The following ATG2B variants were observed in gnomAD, a reference collection of about 807,000 sequenced individuals.
The protein encoded by ATG2B is autophagy related 2B.
In ATG2B, 121 loss-of-function variants were observed where a neutral mutation model predicts 241.3. The ratio of observed to expected loss-of-function variants is 0.50; its 90% confidence interval spans 0.43 to 0.58. The LOEUF is 0.58. ATG2B is among the 20% of genes least tolerant of loss of function. The pLI is 0.00. For missense variants in ATG2B, 2,306 were observed against 2,491.6 expected (o/e 0.93, Z 1.59); for synonymous variants, 858 against 876.6 (o/e 0.98, Z 0.37).
chr14:96,345,173 T>C (rs778533475), intron 3 of ATG2B, 60 bp downstream of exon 3: 11 of 1,371,062 alleles, frequency 8.0e-6, no homozygotes, highest in South Asian at 6.8e-5. Flanking sequence ...GCTTATTACA[T>C]GAAGGTACAA....
chr14:96,339,654 T>C (rs1387209343), intron 6 of ATG2B, among the ~76,000 whole-genome samples: 2 of 151,976 alleles, frequency 1.3e-5, no homozygotes, highest in Non-Finnish European at 2.9e-5. Context: ...TTCTCACTTA[T>C]AAGTGGGAGC....
At position 96,315,547 on chromosome 14, in the gene ATG2B, C is replaced by T. The variant is rs373581781; in HGVS notation, c.3398G>A (p.Arg1133Gln). Residue 1133 changes from arginine (R) to glutamine (Q), a missense_variant, in exon 22 of 42, where the codon CGA becomes CAA. This residue lies in a region of ATG2B where 1,927 missense variants were observed against 2,011.2 expected (regional missense o/e 0.96). Coordinates refer to ENST00000359933, the MANE Select transcript of ATG2B (RefSeq NM_018036.7). ...VNGVILPTET[R>Q]LPSSTRPHWL... ...GTGTGGGCGGGTTGAGCTGGGAAGT[C>T]GTGTTTCTGTCGGGAGAATCACTCC... 1.5e-5 allele frequency: 25 copies of T among 1,613,880 alleles called. No individual in the cohort carries two copies. The highest frequency in any genetic ancestry group is 1.9e-5 in the Non-Finnish European group (23 of 1,179,924).
chr14:96,310,608 G>T (rs983387580), intron 28 of ATG2B, among the ~76,000 whole-genome samples: 1 of 152,036 alleles, frequency 6.6e-6, no homozygotes, highest in South Asian at 2.1e-4. Flanking sequence ...AAATTCTCTG[G>T]GTCTTATTAA....
rs976260757 is a variant in ATG2B, at chr14:96,280,917, C to T, written c.*4838G>A. The stretch of plus-strand genomic sequence containing the variant: ...ATAAATAAAATAAAAATAAGTATGT[C>T]TTTTAAATATTCCCTTCATAAGTAA... On this transcript the variant is annotated 3_prime_UTR_variant, in exon 42 of 42. Transcript: ENST00000359933. 1 of 152,160 alleles carries T rather than the reference C, an allele frequency of 6.6e-6. No individual in the cohort carries two copies. Among genetic ancestry groups the T allele is most frequent in the African/African-American group, 2.4e-5 (1 of 41,426 alleles). 9.4% of individuals were successfully genotyped at this position (152,160 alleles called of 1,614,324 possible). A position where few individuals can be genotyped will look rare whatever the true frequency, so the allele number is the denominator to read the frequency against.
chr14:96,310,666 T>A (rs1887125543), intron 28 of ATG2B, among the ~76,000 whole-genome samples: 1 of 151,980 alleles, frequency 6.6e-6, no homozygotes, highest in South Asian at 2.1e-4. Flanking sequence ...GAAAAGGAAG[T>A]CATATATGAC....
intron 31 of ATG2B, among the ~76,000 whole-genome samples, chr14:96,305,361 TGA>T (rs1160073005): frequency 6.6e-6 from 1 of 152,224 alleles, no homozygotes; most frequent in Non-Finnish European, 1.5e-5. Flanking sequence ...ATGAAAATGA[TGA>T]GAGTCAACAT....
At chr14:96,305,915 T>C in intron 30 of ATG2B, 100 bp from the exon 31 acceptor site, 1 of 857,910 alleles carries the variant, frequency 1.2e-6, no homozygotes, top group Non-Finnish European at 1.8e-6. Context: ...ACATTCTTTT[T>C]AATAATTCCA....
At chr14:96,331,330 A>C in intron 11 of ATG2B, 46 bp downstream of exon 11, 1 of 1,536,468 alleles carries the variant, frequency 6.5e-7, no homozygotes, top group Non-Finnish European at 8.8e-7. Flanking sequence ...GATCATTAGC[A>C]TATGTGGAAG....
At chr14:96,340,812 C>T (rs573671957) in intron 6 of ATG2B, among the ~76,000 whole-genome samples, 6 of 150,858 alleles carry the variant, frequency 4.0e-5, no homozygotes, top group East Asian at 3.9e-4. Flanking sequence ...CAGCTACTTG[C>T]GAGGCTGAGG....
rs140596845 is a variant in ATG2B, at chr14:96,339,418, A to G, written c.924+2104T>C. Among the ~76,000 whole-genome samples, 670 of 151,880 alleles carry G rather than the reference A, an allele frequency of 4.4e-3. 26 individuals carry two copies. The South Asian group carries it at 0.067, about 15-fold the overall frequency. ...GTGTATATATGTATGTGGTGCGTGT[A>G]TATATATATGGTGTATATTTATGTG... On this transcript the variant is annotated intron_variant, in intron 6 of 41. Transcript: ENST00000359933.
At chr14:96,286,073 T>G (rs762131352) in intron 41 of ATG2B, 88 bp from the exon 42 acceptor site, 17 of 940,452 alleles carry the variant, frequency 1.8e-5, no homozygotes, top group Non-Finnish European at 2.7e-5. Flanking sequence ...GTACACACTT[T>G]TAAAGCAGGT....
At chr14:96,302,966 C>G in intron 33 of ATG2B, 95 bp downstream of exon 33, 6 of 874,246 alleles carry the variant, frequency 6.9e-6, no homozygotes, top group Non-Finnish European at 9.7e-6. Flanking sequence ...GAAAAGATAT[C>G]TAGTAATTTT....
intron 8 of ATG2B, 120 bp downstream of exon 8, chr14:96,333,568 A>T: frequency 1.1e-6 from 1 of 893,088 alleles, no homozygotes. Context: ...TGGATTTCTT[A>T]CAATGTGGAT....
Position 96,343,294 on chromosome 14 carries a change from T to C in ATG2B, c.582-13A>G, listed in dbSNP as rs1350749522. 2.4e-5 allele frequency: 37 copies of C among 1,548,262 alleles called. No individual in the cohort carries two copies. The highest frequency in any genetic ancestry group is 3.1e-5 in the Non-Finnish European group (36 of 1,147,124). On this transcript the variant is annotated splice_polypyrimidine_tract_variant and intron_variant, in intron 4 of 41. Coordinates refer to ENST00000359933, the MANE Select transcript of ATG2B (RefSeq NM_018036.7). The stretch of plus-strand genomic sequence containing the variant: ...ACAGTACACAGTTCTGAAATTTTTT[T>C]AAAAAGCATTTACAAAAAGCTCCTA...
chr14:96,338,982 T>C (rs553223554), intron 6 of ATG2B, among the ~76,000 whole-genome samples: 155 of 152,170 alleles, frequency 1.0e-3, no homozygotes, highest in Middle Eastern at 3.4e-3. Flanking sequence ...CATGATTATA[T>C]ATTTCTCAAA....
chr14:96,324,690 TC>T (rs1303220878), intron 15 of ATG2B, among the ~76,000 whole-genome samples: 1 of 151,854 alleles, frequency 6.6e-6, no homozygotes, highest in African/African-American at 2.4e-5. Flanking sequence ...CAACAAAAAT[TC>T]TATACGTGTT....
intron 34 of ATG2B, among the ~76,000 whole-genome samples, chr14:96,298,417 CTT>C (rs896556518): frequency 1.1e-4 from 17 of 152,148 alleles, no homozygotes; most frequent in Non-Finnish European, 1.9e-4. Context: ...AAATTCTACT[CTT>C]ATATATGTAT....
In ATG2B at chr14:96,290,235, G is replaced by A; in HGVS notation, c.5856+201C>T. On this transcript the variant is annotated intron_variant, in intron 40 of 41. Transcript: ENST00000359933. This position sits in a 1 kb window ranked among gnomAD's most constrained non-coding sequence, Gnocchi z 4.4. ...TTACCTGAAATAGGCAAACAAATCT[G>A]ACACTGTATTCCACTGCTTTATTCT... 1 of 1,250,228 alleles carries A rather than the reference G, an allele frequency of 8.0e-7. No individual in the cohort carries two copies. The highest frequency in any genetic ancestry group is 1.0e-6 in the Non-Finnish European group (1 of 966,204). 77.4% of individuals were successfully genotyped at this position (1,250,228 alleles called of 1,614,324 possible).
intron 14 of ATG2B, among the ~76,000 whole-genome samples, chr14:96,327,344 CT>C (rs1887612786): frequency 6.6e-6 from 1 of 151,960 alleles, no homozygotes; most frequent in South Asian, 2.1e-4. Context: ...TTTTCCTTTT[CT>C]TTTTAACTAA....
Sources: allele counts gnomAD v4.1 joint callset (sites outside exome capture counted in the v4.1 genomes callset), GRCh38; gene constraint gnomAD v4.1.1; regional missense constraint gnomAD v4.1.1; non-coding constraint Gnocchi (gnomAD v3.1); transcripts MANE v1.5; gene names NCBI Gene and HGNC (gene_info 2026-07-23, HGNC 2026-07-21).